SCN3A: variants seen among roughly 807,000 people sequenced by gnomAD.
SCN3A encodes the protein sodium channel protein type 3 subunit alpha.
In SCN3A, 60 loss-of-function variants were observed where a neutral mutation model predicts 187.6. The observed-to-expected ratio is 0.32, with a 90% CI of 0.26 to 0.40. The LOEUF is 0.40. Among genes scored for constraint, SCN3A ranks in the 10% least tolerant of loss-of-function variants. The pLI is 1.00. For missense variants in SCN3A, 1,601 were observed against 2,428.2 expected, an observed-to-expected ratio of 0.66 and a Z score of 7.16; for synonymous variants, 788 against 829.2, an observed-to-expected ratio of 0.95 and a Z score of 0.85.
chr2:165,115,561 G>A lies in SCN3A; in HGVS notation c.3408C>T (p.Thr1136=). ...CAACTGTGCTTCCTTCAGATGAGCT[G>A]GTTGCATTTAATTTCTGGAAACAAA... The part of the protein sequence containing the change: ...LEESKEKLNA[T]SSSEGSTVDV... The change falls in exon 19 of 28, where the codon ACC becomes ACT. Residue 1136 remains threonine, a synonymous_variant. Coordinates refer to ENST00000283254, the MANE Select transcript of SCN3A (RefSeq NM_006922.4). 1 of 1,613,106 alleles carries A rather than the reference G, an allele frequency of 6.2e-7. No individual in the cohort carries two copies. Among genetic ancestry groups the A allele is most frequent in the African/African-American group, 1.3e-5 (1 of 74,786 alleles).
At chr2:165,199,678 A>C (rs1205095623) in intron 1 of SCN3A, among the ~76,000 whole-genome samples, 1 of 152,052 alleles carries the variant, frequency 6.6e-6, no homozygotes, top group Non-Finnish European at 1.5e-5. Context: ...ATTCTACTTT[A>C]ACAAATTATA....
At chr2:165,157,581 C>T (rs756380939) in intron 9 of SCN3A, among the ~76,000 whole-genome samples, 1 of 152,282 alleles carries the variant, frequency 6.6e-6, no homozygotes, top group South Asian at 2.1e-4. Flanking sequence ...TTAGGTTTCT[C>T]TACTGTAAAT....
chr2:165,150,763 T>A (rs568097149), intron 11 of SCN3A, among the ~76,000 whole-genome samples: 2 of 152,296 alleles, frequency 1.3e-5, no homozygotes, highest in South Asian at 4.1e-4. Context: ...TAGAATAAAC[T>A]CATTATCTGT....
chr2:165,128,657 T>C (rs770571568), intron 17 of SCN3A, among the ~76,000 whole-genome samples: 10 of 152,250 alleles, frequency 6.6e-5, no homozygotes, highest in South Asian at 2.1e-4. Flanking sequence ...GCAAATTATA[T>C]ACGATTTAAC....
Position 165,092,556 on chromosome 2 carries a change from T to A in SCN3A, c.4537-32A>T. ...AGTGAGAGAAGAGAAATAAGGTTAC[T>A]ATATATATTTCATAAAGAATAATGC... On this transcript the variant is annotated intron_variant, in intron 26 of 27. Transcript: ENST00000283254. The surrounding 1 kb of genome is among the most constrained non-coding windows in gnomAD (Gnocchi z 4.2). The A allele has an allele frequency of 6.3e-7, 1 of 1,586,524 alleles. No individual in the cohort carries two copies. Among genetic ancestry groups the A allele is most frequent in the Non-Finnish European group, 8.7e-7 (1 of 1,155,492 alleles).
At position 165,140,744 on chromosome 2, in the gene SCN3A, C is replaced by G. The variant is rs201433596; in HGVS notation, c.1926G>C (p.Gly642=). The G allele has an allele frequency of 6.8e-6, 11 of 1,613,910 alleles. No individual in the cohort carries two copies. In the African/African-American group the frequency reaches 1.3e-4, roughly 20 times the overall value. ...SRMVPGLPAN[G]KMHSTVDCNG... ...TGCAATCCACAGTGCTGTGCATCTT[C>G]CCATTTGCTGGAAGCCCTGGCACCA... is the stretch of plus-strand genomic sequence containing the variant. Residue 642 remains glycine (G), a synonymous_variant, in exon 13 of 28, where the codon GGG becomes GGC. Coordinates refer to ENST00000283254, the MANE Select transcript of SCN3A (RefSeq NM_006922.4). The surrounding 1 kb of genome is among the most constrained non-coding windows in gnomAD (Gnocchi z 4.2).
intron 24 of SCN3A, 55 bp downstream of exon 24, chr2:165,096,412 C>G: frequency 7.3e-7 from 1 of 1,377,432 alleles, no homozygotes. Context: ...AAATTACCAC[C>G]AATATTCACC....
At chr2:165,170,084 G>A (rs1690013737) in intron 4 of SCN3A, among the ~76,000 whole-genome samples, 1 of 151,782 alleles carries the variant, frequency 6.6e-6, no homozygotes, top group Non-Finnish European at 1.5e-5. Context: ...TTGAACACTT[G>A]GTAATGCAAA....
intron 12 of SCN3A, among the ~76,000 whole-genome samples, chr2:165,146,464 A>G (rs1688339510): frequency 6.8e-6 from 1 of 147,878 alleles, no homozygotes; most frequent in African/African-American, 2.5e-5. Flanking sequence ...GTTGATATAT[A>G]GGTTATATCA....
chr2:165,102,726 G>T (rs1685668494), intron 21 of SCN3A, among the ~76,000 whole-genome samples: 2 of 152,130 alleles, frequency 1.3e-5, no homozygotes, highest in Admixed American at 1.3e-4. Context: ...TGCCAGAGTT[G>T]CAGCCACAAT....
chr2:165,092,321 G>C lies in SCN3A; in HGVS notation c.4740C>G (p.Leu1580=), dbSNP rs754806515. 6.2e-7 allele frequency: 1 copy of C among 1,613,984 alleles called. No homozygotes were observed. The change falls in exon 27 of 28, where the codon CTC becomes CTG. Residue 1580 remains leucine (L), a synonymous_variant. Transcript: ENST00000283254. This position sits in a 1 kb window ranked among gnomAD's most constrained non-coding sequence, Gnocchi z 4.2. The stretch of plus-strand genomic sequence containing the variant: ...AGCCTATAGTGAAGTAGTAGTGTCT[G>C]AGGGAGACGAGCTTCAGCACAAATT... The part of the protein sequence containing the change: ...TGEFVLKLVS[L]RHYYFTIGWN...
At chr2:165,098,004 C>T (rs184502529) in intron 22 of SCN3A, among the ~76,000 whole-genome samples, 5 of 152,160 alleles carry the variant, frequency 3.3e-5, no homozygotes, top group Admixed American at 6.5e-5. Flanking sequence ...TTTATGACTA[C>T]GAAGAACAGG....
At chr2:165,168,545 G>T (rs1385057447) in intron 5 of SCN3A, among the ~76,000 whole-genome samples, 191 bp downstream of exon 5, 1 of 151,978 alleles carries the variant, frequency 6.6e-6, no homozygotes, top group Non-Finnish European at 1.5e-5. Flanking sequence ...ATATTGTCAT[G>T]ATTTTGTTGG....
chr2:165,118,587 CT>C (rs111691350), intron 18 of SCN3A, among the ~76,000 whole-genome samples: 32 of 149,564 alleles, frequency 2.1e-4, no homozygotes, highest in African/African-American at 4.2e-4. Flanking sequence ...ATGATTTAAT[CT>C]TTTTTTTTTC....
At chr2:165,091,803 C>T (rs1349409585) in intron 27 of SCN3A, 4 of 266,450 alleles carry the variant, frequency 1.5e-5, no homozygotes, top group Non-Finnish European at 2.1e-5. Context: ...TCTTTTTCTC[C>T]TACTAAATCT....
At chr2:165,133,771 C>T (rs542575310) in intron 15 of SCN3A, among the ~76,000 whole-genome samples, 15 of 151,718 alleles carry the variant, frequency 9.9e-5, no homozygotes, top group Non-Finnish European at 1.6e-4. Flanking sequence ...TACATTTTAA[C>T]TCTGGTATTG....
At chr2:165,124,034 C>G (rs940645990) in intron 18 of SCN3A, among the ~76,000 whole-genome samples, 1 of 151,534 alleles carries the variant, frequency 6.6e-6, no homozygotes, top group Non-Finnish European at 1.5e-5. Context: ...AAATATATAC[C>G]TTTATATTTG....
At chr2:165,125,499 A>C (rs747551452) in intron 18 of SCN3A, among the ~76,000 whole-genome samples, 37 of 152,014 alleles carry the variant, frequency 2.4e-4, no homozygotes, top group Non-Finnish European at 4.1e-4. Flanking sequence ...TTTATTTTTT[A>C]GTAGAGACAG....
intron 4 of SCN3A, 82 bp downstream of exon 4, chr2:165,170,348 A>C: frequency 1.2e-6 from 1 of 848,130 alleles, no homozygotes; most frequent in East Asian, 2.5e-5. Context: ...GAAATTTTAC[A>C]GATACTTGAA....
Sources: allele counts gnomAD v4.1 joint callset (sites outside exome capture counted in the v4.1 genomes callset), GRCh38; gene constraint gnomAD v4.1.1; non-coding constraint Gnocchi (gnomAD v3.1); transcripts MANE v1.5; gene names NCBI Gene and HGNC (gene_info 2026-07-23, HGNC 2026-07-21).